EYA3: variants seen among roughly 807,000 people sequenced by gnomAD.
EYA3 encodes the protein protein phosphatase EYA3.
EYA3 carries 39 observed loss-of-function variants against 80.0 expected under a neutral mutation model. That is an observed-to-expected ratio of 0.49 (90% CI 0.38 to 0.64). EYA3 has a LOEUF of 0.64. Among genes scored for constraint, EYA3 ranks in the 30% least tolerant of loss-of-function variants. The probability of loss-of-function intolerance (pLI) is 0.00; values close to 1 mark genes in which losing one functional copy is unlikely to be tolerated. For synonymous variants in EYA3, 206 were observed against 232.8 expected, an observed-to-expected ratio of 0.88 and a Z score of 1.05; for missense variants, 523 against 676.1, an observed-to-expected ratio of 0.77 and a Z score of 2.51.
intron 3 of EYA3, among the ~76,000 whole-genome samples, chr1:28,047,114 G>A (rs1467554507): frequency 2.0e-5 from 3 of 151,310 alleles, no homozygotes; most frequent in African/African-American, 7.3e-5. Context: ...CTCCAAAAGT[G>A]GAGCCACCAC....
At chr1:28,054,278 TTA>T (rs1321894779) in intron 2 of EYA3, among the ~76,000 whole-genome samples, 1 of 152,150 alleles carries the variant, frequency 6.6e-6, no homozygotes, top group Non-Finnish European at 1.5e-5. Context: ...TTCCAAATTA[TTA>T]GAGAGGTAAA....
At chr1:28,058,768 C>T (rs897887155) in intron 1 of EYA3, among the ~76,000 whole-genome samples, 2 of 152,146 alleles carry the variant, frequency 1.3e-5, no homozygotes, top group East Asian at 1.9e-4. Flanking sequence ...AAAATCTTTA[C>T]GTTCTCAGAC....
chr1:28,059,781 C>T (rs577308034), intron 1 of EYA3, among the ~76,000 whole-genome samples: 10 of 139,218 alleles, frequency 7.2e-5, no homozygotes, highest in African/African-American at 2.4e-4. Flanking sequence ...AGTGCAGTGG[C>T]GCAATCTCGG....
chr1:28,063,770 A>T (rs1019667370), intron 1 of EYA3, among the ~76,000 whole-genome samples: 1 of 152,240 alleles, frequency 6.6e-6, no homozygotes, highest in Non-Finnish European at 1.5e-5. Context: ...CAAAAGGTAA[A>T]GGAAGATGAG....
chr1:28,061,820 C>T (rs963196067), intron 1 of EYA3, among the ~76,000 whole-genome samples: 6 of 152,012 alleles, frequency 3.9e-5, no homozygotes, highest in Non-Finnish European at 8.8e-5. Context: ...AGGATGATCT[C>T]GATCTCCTGA....
chr1:28,071,360 T>C (rs1409017190), intron 1 of EYA3, among the ~76,000 whole-genome samples: 3 of 152,250 alleles, frequency 2.0e-5, no homozygotes, highest in Non-Finnish European at 4.4e-5. Flanking sequence ...ACTGAGCTCA[T>C]ATTTTTCTGT....
chr1:28,057,917 A>G (rs1231128444), intron 2 of EYA3, 77 bp downstream of exon 2: 3 of 819,150 alleles, frequency 3.7e-6, no homozygotes, highest in African/African-American at 1.7e-5. Context: ...TTTGGAATCT[A>G]TAACTGAATA....
At chr1:28,053,153 CAAAAAAAAAAAA>C (rs34075939) in intron 2 of EYA3, among the ~76,000 whole-genome samples, 1 of 72,526 alleles carries the variant, frequency 1.4e-5, no homozygotes, top group African/African-American at 5.6e-5. Flanking sequence ...GACCCCGTCT[CAAAAAAAAAAAA>C]AAAAAAAAAA....
chr1:28,052,183 G>A (rs1177778484), intron 2 of EYA3, among the ~76,000 whole-genome samples: 1 of 151,988 alleles, frequency 6.6e-6, no homozygotes, highest in African/African-American at 2.4e-5. Context: ...TAATTTTTTT[G>A]TATGTTTAAC....
intron 1 of EYA3, among the ~76,000 whole-genome samples, chr1:28,074,941 G>A: frequency 6.6e-6 from 1 of 152,034 alleles, no homozygotes; most frequent in Non-Finnish European, 1.5e-5. Flanking sequence ...TCTATCATAT[G>A]TGGTCACTAA....
At chr1:28,055,247 C>T (rs183727451) in intron 2 of EYA3, among the ~76,000 whole-genome samples, 305 of 152,222 alleles carry the variant, frequency 2.0e-3, no homozygotes, top group Middle Eastern at 3.4e-3. Context: ...CAATCCACTG[C>T]TGTTCTTTAT....
chr1:27,993,593 T>G, intron 13 of EYA3, 33 bp from the exon 14 acceptor site: 2 of 1,541,522 alleles, frequency 1.3e-6, no homozygotes, highest in South Asian at 2.5e-5. Context: ...AAATTAAAAT[T>G]TATACAGCAT....
intron 1 of EYA3, among the ~76,000 whole-genome samples, chr1:28,073,125 A>ATTT (rs1436741265): frequency 5.8e-4 from 19 of 32,582 alleles, no homozygotes; most frequent in South Asian, 2.2e-3. Context: ...ATATATATAT[A>ATTT]TATTTTTTTT....
rs1383401160 is a variant in EYA3, at chr1:28,009,779, G to A, written c.909+1168C>T. 2.0e-4 allele frequency among the ~76,000 whole-genome samples: 31 copies of A among 152,182 alleles called. No individual in the cohort carries two copies. The highest frequency in any genetic ancestry group is 2.0e-3 in the Admixed American group (30 of 15,274). ...AGTCAAAGACAGAAAGTAGAATAGA[G>A]GTTACCAGAGGTTAGAAGAAGGGGA... On this transcript the variant is annotated intron_variant, in intron 10 of 17. Coordinates refer to ENST00000373871, the MANE Select transcript of EYA3 (RefSeq NM_001990.4). This position sits in a 1 kb window ranked among gnomAD's most constrained non-coding sequence, Gnocchi z 4.8.
chr1:28,065,017 C>T (rs972522541), intron 1 of EYA3, among the ~76,000 whole-genome samples: 1 of 152,222 alleles, frequency 6.6e-6, no homozygotes, highest in East Asian at 1.9e-4. Flanking sequence ...CTTAATTCCA[C>T]TGAATTGTAT....
intron 1 of EYA3, among the ~76,000 whole-genome samples, chr1:28,073,132 T>A (rs1306630133): frequency 3.3e-3 from 273 of 81,562 alleles, no homozygotes; most frequent in Non-Finnish European, 5.1e-3. Context: ...TATATATTTT[T>A]TTTTTTTTTT....
chr1:28,000,123 T>C, intron 11 of EYA3, 74 bp from the exon 12 acceptor site: 1 of 1,138,192 alleles, frequency 8.8e-7, no homozygotes, highest in Non-Finnish European at 1.3e-6. Flanking sequence ...ATTTCAAAAT[T>C]ATTTTAGGTC....
At position 28,010,966 on chromosome 1, in the gene EYA3, G is replaced by A. The variant is rs1641651577; in HGVS notation, c.890C>T (p.Ser297Phe). The stretch of plus-strand genomic sequence containing the variant: ...TCATACTTCTAATTCACTGTCTTGG[G>A]AAGAAGTGGCATCAGCTTTCCTCTT... The part of the protein sequence containing the change: ...RGKRKADATS[S>F]QDSELERVFL... Residue 297 changes from serine (S) to phenylalanine (F), a missense_variant, in exon 10 of 18, where the codon TCC becomes TTC. Coordinates refer to ENST00000373871, the MANE Select transcript of EYA3 (RefSeq NM_001990.4). 2 of 1,613,952 alleles carry A rather than the reference G, an allele frequency of 1.2e-6. No homozygotes were observed. The highest frequency in any genetic ancestry group is 4.5e-5 in the East Asian group (2 of 44,872).
At chr1:28,012,776 C>T (rs906941876) in intron 9 of EYA3, among the ~76,000 whole-genome samples, 5 of 152,258 alleles carry the variant, frequency 3.3e-5, no homozygotes, top group East Asian at 1.9e-4. Context: ...TCAAAACCTG[C>T]GCAAGACTAA....
Sources: gnomAD v4.1 joint callset for allele counts (sites outside exome capture counted in the v4.1 genomes callset) on GRCh38, gnomAD v4.1.1 for gene constraint, Gnocchi (gnomAD v3.1) non-coding constraint, MANE v1.5 for transcripts, NCBI Gene and HGNC (gene_info 2026-07-23, HGNC 2026-07-21) for gene names.